The following MIPOL1 variants were observed in gnomAD, a reference collection of about 807,000 sequenced individuals.
The protein encoded by MIPOL1 is mirror-image polydactyly 1, also known as mirror-image polydactyly gene 1 protein.
A neutral mutation model predicts 60.9 loss-of-function variants in MIPOL1; 57 were observed. That is an observed-to-expected ratio of 0.94 (90% CI 0.76 to 1.17). The LOEUF is 1.17. Ranked by LOEUF, MIPOL1 falls within the 50% of genes most tolerant of loss-of-function variation. The pLI is 0.00. For synonymous variants in MIPOL1, 179 were observed against 168.8 expected, an observed-to-expected ratio of 1.06 and a Z score of -0.47; for missense variants, 551 against 511.6, an observed-to-expected ratio of 1.08 and a Z score of -0.74.
At chr14:37,537,337 TTA>T (rs1399851301) in intron 12 of MIPOL1, among the ~76,000 whole-genome samples, 4 of 152,184 alleles carry the variant, frequency 2.6e-5, no homozygotes. Context: ...AGGAAGACAC[TTA>T]TATGTATGAT....
At chr14:37,526,589 G>A (rs1011126427) in intron 12 of MIPOL1, among the ~76,000 whole-genome samples, 3 of 148,598 alleles carry the variant, frequency 2.0e-5, no homozygotes, top group Non-Finnish European at 3.0e-5. Flanking sequence ...CACCGTTTTA[G>A]CCAGGATGGT....
At chr14:37,321,346 C>T (rs891341931) in intron 9 of MIPOL1, among the ~76,000 whole-genome samples, 8 of 151,120 alleles carry the variant, frequency 5.3e-5, no homozygotes, top group African/African-American at 1.9e-4. Flanking sequence ...CTTCTTTGAC[C>T]CATGAATTAT....
intron 10 of MIPOL1, among the ~76,000 whole-genome samples, chr14:37,373,763 A>G (rs2092703631): frequency 6.6e-6 from 1 of 152,024 alleles, no homozygotes; most frequent in Non-Finnish European, 1.5e-5. Context: ...TATGTGCCAC[A>G]TTTTCTTTAT....
intron 9 of MIPOL1, among the ~76,000 whole-genome samples, chr14:37,320,405 T>C (rs2088445472): frequency 6.6e-6 from 1 of 152,130 alleles, no homozygotes. Context: ...TAATGACTAA[T>C]GATGTTGGTA....
At chr14:37,538,769 G>A (rs1274748971) in intron 12 of MIPOL1, among the ~76,000 whole-genome samples, 2 of 152,114 alleles carry the variant, frequency 1.3e-5, no homozygotes, top group Non-Finnish European at 2.9e-5. Flanking sequence ...TGCTGACCAC[G>A]TGAATAAATC....
At chr14:37,448,359 C>T (rs541781369) in intron 11 of MIPOL1, among the ~76,000 whole-genome samples, 2 of 152,312 alleles carry the variant, frequency 1.3e-5, no homozygotes, top group Admixed American at 1.3e-4. Context: ...ATGTCCTGTA[C>T]ATGCTACTTA....
intron 10 of MIPOL1, among the ~76,000 whole-genome samples, chr14:37,385,252 AT>A: frequency 6.6e-6 from 1 of 152,242 alleles, no homozygotes; most frequent in South Asian, 2.1e-4. Flanking sequence ...TGTAATTAAT[AT>A]TTAATTGGCT....
intron 7 of MIPOL1, among the ~76,000 whole-genome samples, chr14:37,294,057 C>G (rs969764736): frequency 8.5e-5 from 13 of 152,152 alleles, no homozygotes; most frequent in Admixed American, 6.6e-5. Context: ...GGAGGCATCC[C>G]CCAGTAGGGG....
intron 11 of MIPOL1, among the ~76,000 whole-genome samples, chr14:37,478,109 C>A (rs186613507): frequency 1.0e-3 from 157 of 152,290 alleles, no homozygotes; most frequent in African/African-American, 3.7e-3. Flanking sequence ...GCTAGAATGA[C>A]TACCATATAT....
At chr14:37,269,922 G>T (rs2083164913) in intron 5 of MIPOL1, among the ~76,000 whole-genome samples, 1 of 152,050 alleles carries the variant, frequency 6.6e-6, no homozygotes, top group African/African-American at 2.4e-5. Flanking sequence ...CCGCCTCCTG[G>T]GTTCAAGCAA....
chr14:37,233,847 G>C (rs1971014157), intron 1 of MIPOL1, among the ~76,000 whole-genome samples: 1 of 152,136 alleles, frequency 6.6e-6, no homozygotes, highest in South Asian at 2.1e-4. Flanking sequence ...TGGCCTTCTA[G>C]AAAGTCAACA....
chr14:37,410,411 A>G lies in MIPOL1; in HGVS notation c.937-12444A>G, dbSNP rs576849725. ...CTGCCTGTTTAAAATTACATACCCA[A>G]CATGAATAACCCTCAAGAATGAATA... On this transcript the variant is annotated intron_variant, in intron 10 of 12. Transcript: ENST00000684589. Among the ~76,000 whole-genome samples the G allele has an allele frequency of 5.9e-5, 9 of 152,246 alleles. No individual in the cohort carries two copies. In the East Asian group the frequency reaches 9.6e-4, roughly 16 times the overall value.
intron 1 of MIPOL1, among the ~76,000 whole-genome samples, chr14:37,200,658 CAGTT>C (rs1379042096): frequency 6.8e-6 from 1 of 146,120 alleles, no homozygotes; most frequent in Non-Finnish European, 1.5e-5. Flanking sequence ...AATGGTTTCC[CAGTT>C]AGTTTTTTTT....
intron 11 of MIPOL1, among the ~76,000 whole-genome samples, chr14:37,476,062 C>T (rs1256442158): frequency 6.6e-6 from 1 of 152,184 alleles, no homozygotes; most frequent in East Asian, 1.9e-4. Context: ...AGTTTATTTA[C>T]ACCTTTGATT....
intron 10 of MIPOL1, among the ~76,000 whole-genome samples, chr14:37,388,467 A>G (rs137928957): frequency 1.3e-3 from 182 of 142,874 alleles, no homozygotes; most frequent in Admixed American, 2.2e-3. Context: ...TCCAGAGATT[A>G]TTTTTGGGTT....
In MIPOL1 at chr14:37,295,433, G is replaced by C. The variant is rs561842649; in HGVS notation, c.623+9986G>C. On this transcript the variant is annotated intron_variant, in intron 7 of 12. Transcript: ENST00000684589. Reference sequence around the variant, plus strand: ...ATAACCAGCTAACATCATAATGACAGGATGAAATTCACACATAACAATCCT... The same window carrying C: ...ATAACCAGCTAACATCATAATGACACGATGAAATTCACACATAACAATCCT... Among the ~76,000 whole-genome samples the C allele has an allele frequency of 2.6e-5, 4 of 152,266 alleles. No homozygotes were observed. The South Asian group carries it at 8.3e-4, about 32-fold the overall frequency.
chr14:37,264,990 C>T (rs59258105), intron 3 of MIPOL1, among the ~76,000 whole-genome samples: 5,978 of 152,142 alleles, frequency 0.039, 273 homozygotes, highest in African/African-American at 0.11. Flanking sequence ...TAATTTATTT[C>T]ATCAACTCAT....
At chr14:37,501,516 G>C (rs1249781211) in intron 12 of MIPOL1, 1 of 151,964 alleles carries the variant, frequency 6.6e-6, no homozygotes, top group Non-Finnish European at 1.5e-5. Context: ...TTATTTTTTA[G>C]ATCTCATCAA....
chr14:37,449,580 G>C (rs1314414207), intron 11 of MIPOL1, among the ~76,000 whole-genome samples: 1 of 152,076 alleles, frequency 6.6e-6, no homozygotes, highest in Non-Finnish European at 1.5e-5. Context: ...TGCTAACCAT[G>C]TGGTATTCTA....
Sources: gnomAD v4.1 joint callset for allele counts (sites outside exome capture counted in the v4.1 genomes callset) on GRCh38, gnomAD v4.1.1 for gene constraint, MANE v1.5 for transcripts, NCBI Gene and HGNC (gene_info 2026-07-23, HGNC 2026-07-21) for gene names.